The following CELF1 variants were observed in gnomAD, a reference collection of about 807,000 sequenced individuals.
The protein encoded by CELF1 is 50 kDa nuclear polyadenylated RNA-binding protein.
CELF1 carries 10 observed loss-of-function variants against 61.8 expected under a neutral mutation model. The observed-to-expected ratio is 0.16, with a 90% CI of 0.10 to 0.27. The LOEUF (loss-of-function observed/expected upper bound fraction) is 0.27, where lower values mean the gene tolerates loss of function less well. Ranked by LOEUF, CELF1 falls within the 10% of genes least tolerant of loss-of-function variation. The pLI is 1.00. For synonymous variants in CELF1, 236 were observed against 225.1 expected, an observed-to-expected ratio of 1.05 and a Z score of -0.43; for missense variants, 380 against 639.1, an observed-to-expected ratio of 0.59 and a Z score of 4.37.
chr11:47,518,009 C>A (rs1343372297), intron 1 of CELF1, among the ~76,000 whole-genome samples: 1 of 152,052 alleles, frequency 6.6e-6, no homozygotes, highest in Non-Finnish European at 1.5e-5. Context: ...GACACCGTAT[C>A]CCCTTGTCCA....
At chr11:47,483,097 T>TA (rs35188627) in intron 8 of CELF1, among the ~76,000 whole-genome samples, 12 of 150,630 alleles carry the variant, frequency 8.0e-5, no homozygotes, top group South Asian at 2.1e-4. Flanking sequence ...CGGTCGCTAT[T>TA]AAAAAAAAAT....
chr11:47,482,681 C>T lies in CELF1; in HGVS notation c.768+14G>A. Reference sequence around the variant, plus strand: ...GCTTGCACAGTCTGCAGAAAGCAAACCACAAAGACTCACTGCTAAATACTG... The same window carrying T: ...GCTTGCACAGTCTGCAGAAAGCAAATCACAAAGACTCACTGCTAAATACTG... On this transcript the variant is annotated intron_variant, in intron 9 of 14. Transcript: ENST00000687097. The T allele has an allele frequency of 6.2e-7, 1 of 1,610,070 alleles. No individual in the cohort carries two copies. Among genetic ancestry groups the T allele is most frequent in the Non-Finnish European group, 8.5e-7 (1 of 1,178,076 alleles).
intron 1 of CELF1, among the ~76,000 whole-genome samples, chr11:47,534,021 CCT>C (rs1491128278): frequency 5.9e-4 from 58 of 98,490 alleles, no homozygotes; most frequent in African/African-American, 1.9e-3. Flanking sequence ...TTTTTTCTTT[CCT>C]TTTTTTTTTT....
intron 3 of CELF1, among the ~76,000 whole-genome samples, chr11:47,489,932 C>CTTTTTTTTTTTTTTTTTTTTTTTTTT (rs530410346): frequency 1.3e-4 from 3 of 23,474 alleles, no homozygotes; most frequent in African/African-American, 4.4e-4. Flanking sequence ...AACATACCAT[C>CTTTTTTTTTTTTTTTTTTTTTTTTTT]TTGTTTTTTT....
intron 2 of CELF1, 24 bp from the exon 3 acceptor site, chr11:47,499,628 G>T: frequency 2.3e-6 from 2 of 851,250 alleles, no homozygotes; most frequent in East Asian, 5.4e-5. Flanking sequence ...AAAACACAAA[G>T]TGGAAACAGG....
intron 2 of CELF1, among the ~76,000 whole-genome samples, chr11:47,558,663 A>T (rs1303976370): frequency 1.8e-5 from 2 of 113,798 alleles, no homozygotes; most frequent in African/African-American, 3.5e-5. Flanking sequence ...ATAATATATT[A>T]CATAATATAA....
intron 1 of CELF1, among the ~76,000 whole-genome samples, chr11:47,541,775 AAAGAACGAAAGAAAGAACG>A (rs2096802178): frequency 6.0e-5 from 1 of 16,566 alleles, no homozygotes; most frequent in African/African-American, 1.2e-4. Context: ...AGAACGAAAG[AAAGAACGAAAGAAAGAACG>A]AAAGAAAGAA....
chr11:47,506,737 A>G (rs1294441546), intron 1 of CELF1: 1 of 152,246 alleles, frequency 6.6e-6, no homozygotes, highest in Non-Finnish European at 1.5e-5. Flanking sequence ...GTTATCCCAT[A>G]ATGTACAAAA....
At position 47,483,489 on chromosome 11, in the gene CELF1, C is replaced by T. The variant is rs1402355290; in HGVS notation, c.570G>A (p.Thr190=). The T allele has an allele frequency of 5.6e-6, 9 of 1,614,020 alleles. No homozygotes were observed. The highest frequency in any genetic ancestry group is 7.6e-6 in the Non-Finnish European group (9 of 1,179,950). ...GTGCTTGGTGCATTGCCTTGATAGCCGTCTGTGCCATGGCTCTTGTTGTAA... is the reference window on the plus strand; with the variant it reads ...GTGCTTGGTGCATTGCCTTGATAGCTGTCTGTGCCATGGCTCTTGTTGTAA... ...VTFTTRAMAQ[T]AIKAMHQAQT... The change falls in exon 8 of 15, where the codon ACG becomes ACA. Residue 190 remains threonine, a synonymous_variant. Coordinates refer to ENST00000687097, the MANE Select transcript of CELF1 (RefSeq NM_001376376.1).
chr11:47,477,580 A>T (rs1381075573), intron 10 of CELF1, 155 bp from the exon 11 acceptor site: 1 of 659,754 alleles, frequency 1.5e-6, no homozygotes, highest in Admixed American at 3.0e-5. Context: ...TCCAAAAATG[A>T]TTCATGTATC....
intron 12 of CELF1, among the ~76,000 whole-genome samples, chr11:47,475,999 A>ATT (rs370220622): frequency 1.3e-4 from 19 of 142,696 alleles, no homozygotes; most frequent in South Asian, 2.2e-4. Context: ...CTATGTTCTA[A>ATT]TTTTTTTTTT....
At chr11:47,485,486 T>C (rs1242574977) in intron 6 of CELF1, among the ~76,000 whole-genome samples, 1 of 152,222 alleles carries the variant, frequency 6.6e-6, no homozygotes, top group Non-Finnish European at 1.5e-5. Context: ...TGTTTGCTCT[T>C]ACTGGCAATA....
At chr11:47,540,925 G>A (rs932269903) in intron 1 of CELF1, among the ~76,000 whole-genome samples, 2 of 151,952 alleles carry the variant, frequency 1.3e-5, no homozygotes, top group African/African-American at 4.8e-5. Flanking sequence ...AAACAGGCAA[G>A]CAGCCAGTAA....
intron 1 of CELF1, among the ~76,000 whole-genome samples, chr11:47,526,642 T>A (rs909054365): frequency 6.6e-6 from 1 of 152,230 alleles, no homozygotes; most frequent in South Asian, 2.1e-4. Context: ...TGAATAAATT[T>A]TAAACCACTA....
intron 1 of CELF1, among the ~76,000 whole-genome samples, chr11:47,529,307 G>C (rs1403618710): frequency 6.6e-6 from 1 of 151,828 alleles, no homozygotes; most frequent in Non-Finnish European, 1.5e-5. Flanking sequence ...CCAGCACTTT[G>C]GGAGGCTGAG....
rs1210865057 is a variant in CELF1, at chr11:47,558,650, G to T, written c.-11+5701C>A. Among the ~76,000 whole-genome samples, 60 of 91,646 alleles carry T rather than the reference G, an allele frequency of 6.5e-4. 1 individual carries two copies. The highest frequency in any genetic ancestry group is 1.6e-3 in the African/African-American group (33 of 20,330). The allele number at this position is 91,646 out of a possible 152,430, so 60.1% of individuals were successfully genotyped here. On this transcript the variant is annotated intron_variant, in intron 2 of 3. Coordinates refer to the CELF1 transcript ENST00000525841. ...ATATAATATAATGTGTAATATATTAGATATAATATATTACATAATATAATA... is the reference window on the plus strand; with the variant it reads ...ATATAATATAATGTGTAATATATTATATATAATATATTACATAATATAATA...
At chr11:47,509,030 A>G (rs1176166227) in intron 1 of CELF1, among the ~76,000 whole-genome samples, 1 of 152,072 alleles carries the variant, frequency 6.6e-6, no homozygotes, top group Non-Finnish European at 1.5e-5. Context: ...CCGCCTCCCA[A>G]TGTGCTGGGA....
intron 10 of CELF1, 197 bp from the exon 11 acceptor site, chr11:47,477,622 G>C: frequency 1.9e-6 from 1 of 527,862 alleles, no homozygotes; most frequent in South Asian, 2.5e-5. Flanking sequence ...CATTTCCTCA[G>C]AGAAGAGATG....
intron 3 of CELF1, among the ~76,000 whole-genome samples, chr11:47,498,305 G>C (rs544336115): frequency 1.2e-4 from 19 of 152,046 alleles, no homozygotes; most frequent in African/African-American, 4.6e-4. Context: ...CTTGGGAAGC[G>C]GAGGCGAGAG....
Sources: allele counts gnomAD v4.1 joint callset (sites outside exome capture counted in the v4.1 genomes callset), GRCh38; gene constraint gnomAD v4.1.1; transcripts MANE v1.5; gene names NCBI Gene and HGNC (gene_info 2026-07-23, HGNC 2026-07-21).